PLS1: variants seen among roughly 807,000 people sequenced by gnomAD.
PLS1 encodes plastin-1.
In PLS1, 32 loss-of-function variants were observed where a neutral mutation model predicts 73.7. That is an observed-to-expected ratio of 0.43 (90% CI 0.33 to 0.58). PLS1 has a LOEUF of 0.58. Among genes scored for constraint, PLS1 ranks in the 20% least tolerant of loss-of-function variants. The pLI is 0.04. For missense variants in PLS1, 633 were observed against 740.5 expected (o/e 0.85, Z 1.68); for synonymous variants, 217 against 261.3 (o/e 0.83, Z 1.63).
chr3:142,706,449 A>C (rs575951444), intron 14 of PLS1, among the ~76,000 whole-genome samples: 6 of 152,310 alleles, frequency 3.9e-5, no homozygotes, highest in Admixed American at 1.3e-4. Flanking sequence ...ATCTTGAATA[A>C]AGGCATGTCT....
intron 10 of PLS1, among the ~76,000 whole-genome samples, chr3:142,694,257 G>A (rs986285647): frequency 6.6e-6 from 1 of 152,056 alleles, no homozygotes; most frequent in African/African-American, 2.4e-5. Flanking sequence ...AATCTAGAAG[G>A]AGAGATTTAG....
intron 11 of PLS1, among the ~76,000 whole-genome samples, chr3:142,696,791 T>C (rs2107932206): frequency 1.3e-5 from 2 of 150,728 alleles, no homozygotes; most frequent in South Asian, 4.2e-4. Flanking sequence ...AATGAATTCA[T>C]TTAAAGTAAA....
chr3:142,654,846 G>A (rs1015442608), intron 1 of PLS1: 4 of 152,128 alleles, frequency 2.6e-5, no homozygotes, highest in East Asian at 1.9e-4. Flanking sequence ...GGTTATTGAC[G>A]TATAGAAACT....
Position 142,712,872 on chromosome 3 carries a change from T to C in PLS1, c.*865T>C, listed in dbSNP as rs965440838. On this transcript the variant is annotated 3_prime_UTR_variant, in exon 16 of 16. Transcript: ENST00000457734. Reference sequence around the variant, plus strand: ...GATATCTGATACATTAAGATTTCTTTTTATAAGTATTCATTTTGAATGTGC... The same window carrying C: ...GATATCTGATACATTAAGATTTCTTCTTATAAGTATTCATTTTGAATGTGC... The C allele has an allele frequency of 4.6e-5, 7 of 152,572 alleles. No homozygotes were observed. The highest frequency in any genetic ancestry group is 1.5e-5 in the Non-Finnish European group (1 of 67,976). The allele number at this position is 152,572 out of a possible 1,614,324, so 9.5% of individuals were successfully genotyped here.
intron 5 of PLS1, among the ~76,000 whole-genome samples, chr3:142,676,729 A>AT (rs1430427216): frequency 1.1e-4 from 17 of 151,976 alleles, no homozygotes; most frequent in Admixed American, 1.0e-3. Flanking sequence ...TTTGCATTCT[A>AT]TTTTTTCTCA....
chr3:142,623,186 A>G (rs2036349749), intron 1 of PLS1, among the ~76,000 whole-genome samples: 1 of 152,238 alleles, frequency 6.6e-6, no homozygotes, highest in Non-Finnish European at 1.5e-5. Context: ...ATGGAAGCTC[A>G]TAGGGTAGTC....
chr3:142,696,131 A>AT (rs1010223876), intron 11 of PLS1, among the ~76,000 whole-genome samples: 1 of 152,142 alleles, frequency 6.6e-6, no homozygotes, highest in Non-Finnish European at 1.5e-5. Flanking sequence ...ACATGATTGC[A>AT]TTTTTTTGGA....
chr3:142,670,067 T>A (rs952056186), intron 3 of PLS1, among the ~76,000 whole-genome samples: 3 of 151,982 alleles, frequency 2.0e-5, no homozygotes, highest in African/African-American at 7.2e-5. Context: ...TATGACAGAG[T>A]GGTACAGGTC....
In PLS1 at chr3:142,712,039, A is replaced by T; in HGVS notation, c.*32A>T. 6.3e-7 allele frequency: 1 copy of T among 1,589,574 alleles called. No homozygotes were observed. Among genetic ancestry groups the T allele is most frequent in the Non-Finnish European group, 8.6e-7 (1 of 1,158,190 alleles). On this transcript the variant is annotated 3_prime_UTR_variant, in exon 16 of 16. Coordinates refer to ENST00000457734, the MANE Select transcript of PLS1 (RefSeq NM_001145319.2). ...CATATGATTTTCTGCCACATTAAAC[A>T]TATTGTATGCCTCACAGTTTACAGG...
At chr3:142,683,928 T>C in intron 6 of PLS1, 78 bp from the exon 7 acceptor site, 1 of 1,029,938 alleles carries the variant, frequency 9.7e-7, no homozygotes, top group Non-Finnish European at 1.4e-6. Context: ...GGCAGTCCAT[T>C]GTTTCTTATA....
At chr3:142,653,186 G>C (rs1261863519) in intron 1 of PLS1, among the ~76,000 whole-genome samples, 2 of 152,074 alleles carry the variant, frequency 1.3e-5, no homozygotes, top group East Asian at 3.9e-4. Flanking sequence ...GCTTTTCCAA[G>C]AGCTTGTTTC....
chr3:142,672,073 A>G (rs1041110093), intron 4 of PLS1, among the ~76,000 whole-genome samples: 8 of 152,188 alleles, frequency 5.3e-5, no homozygotes, highest in Non-Finnish European at 1.0e-4. Context: ...AGACAAAAAA[A>G]AATTATTAAG....
intron 1 of PLS1, among the ~76,000 whole-genome samples, chr3:142,617,560 A>AT (rs990649756): frequency 6.6e-6 from 1 of 152,166 alleles, no homozygotes; most frequent in African/African-American, 2.4e-5. Flanking sequence ...AGAAATCCTT[A>AT]TTTTAGATCT....
At chr3:142,607,415 T>A (rs911293750) in intron 1 of PLS1, among the ~76,000 whole-genome samples, 1 of 152,034 alleles carries the variant, frequency 6.6e-6, no homozygotes, top group African/African-American at 2.4e-5. Flanking sequence ...GAGTGGCTGG[T>A]ACAGGCATGT....
intron 1 of PLS1, among the ~76,000 whole-genome samples, chr3:142,602,135 CT>C (rs2035938900): frequency 7.0e-6 from 1 of 143,032 alleles, no homozygotes; most frequent in Non-Finnish European, 1.5e-5. Context: ...TCCACTTAGT[CT>C]TTATCTCCTT....
chr3:142,713,044 C>T lies in PLS1; in HGVS notation c.*1037C>T, dbSNP rs192089261. 1.0e-4 allele frequency: 16 copies of T among 152,566 alleles called. No individual in the cohort carries two copies. In the South Asian group the frequency reaches 2.7e-3, roughly 26 times the overall value. The allele number at this position is 152,566 out of a possible 1,614,324, so 9.5% of individuals were successfully genotyped here. A position where few individuals can be genotyped will look rare whatever the true frequency, so the allele number is the denominator to read the frequency against. On this transcript the variant is annotated 3_prime_UTR_variant, in exon 16 of 16. Transcript: ENST00000457734. ...CCCTATATAATTTAGAATATGCCCA[C>T]TGAATATCTTTAATAGAAAGTAACA...
chr3:142,626,973 T>C (rs182791627), intron 1 of PLS1, among the ~76,000 whole-genome samples: 1,702 of 152,366 alleles, frequency 0.011, 39 homozygotes, highest in African/African-American at 0.039. Context: ...TCTTGTGATA[T>C]CCCTTGAACT....
intron 1 of PLS1, among the ~76,000 whole-genome samples, chr3:142,610,951 T>G (rs559064791): frequency 6.6e-6 from 1 of 152,318 alleles, no homozygotes; most frequent in African/African-American, 2.4e-5. Context: ...GGCAAACTTT[T>G]TCTGTAAGGG....
chr3:142,708,272 A>C (rs2107971071), intron 14 of PLS1, among the ~76,000 whole-genome samples: 1 of 152,154 alleles, frequency 6.6e-6, no homozygotes, highest in Middle Eastern at 3.4e-3. Context: ...TTTGAGACTG[A>C]GTCTTGCTCT....
Sources: gnomAD v4.1 joint callset for allele counts (sites outside exome capture counted in the v4.1 genomes callset) on GRCh38, gnomAD v4.1.1 for gene constraint, MANE v1.5 for transcripts, NCBI Gene and HGNC (gene_info 2026-07-23, HGNC 2026-07-21) for gene names.